Variants in GRM8 observed in about 807,000 individuals in gnomAD.
GRM8 encodes metabotropic glutamate receptor 8.
A neutral mutation model predicts 87.2 loss-of-function variants in GRM8; 47 were observed. The ratio of observed to expected loss-of-function variants is 0.54; its 90% CI spans 0.43 to 0.69. The LOEUF (loss-of-function observed/expected upper bound fraction) is 0.69, where lower values mean the gene tolerates loss of function less well. GRM8 is among the 30% of genes least tolerant of loss of function. GRM8 has a pLI of 0.00. For synonymous variants in GRM8, 396 were observed against 404.5 expected (o/e 0.98, Z 0.25); for missense variants, 1,019 against 1,139.2 (o/e 0.89, Z 1.52).
intron 3 of GRM8, among the ~76,000 whole-genome samples, chr7:127,052,729 G>A (rs762434006): frequency 3.1e-4 from 47 of 152,236 alleles, no homozygotes; most frequent in Non-Finnish European, 5.7e-4. Flanking sequence ...CATTAGATAT[G>A]ATTCAATACA....
At chr7:127,133,749 T>C (rs1391169888) in intron 2 of GRM8, among the ~76,000 whole-genome samples, 1 of 150,100 alleles carries the variant, frequency 6.7e-6, no homozygotes, top group Non-Finnish European at 1.5e-5. Flanking sequence ...ACAAACAAGA[T>C]AAACTGGCAT....
intron 8 of GRM8, among the ~76,000 whole-genome samples, chr7:126,576,993 C>T (rs995011018): frequency 6.6e-6 from 1 of 152,204 alleles, no homozygotes; most frequent in Non-Finnish European, 1.5e-5. Context: ...TGTAATCATT[C>T]ATTTCACTAC....
intron 7 of GRM8, among the ~76,000 whole-genome samples, chr7:126,754,239 C>T (rs933025162): frequency 6.6e-6 from 1 of 151,768 alleles, no homozygotes; most frequent in Non-Finnish European, 1.5e-5. Context: ...TCCCATGGGG[C>T]CATTCAGAAT....
chr7:127,030,539 A>G (rs903261230), intron 3 of GRM8, among the ~76,000 whole-genome samples: 1 of 151,988 alleles, frequency 6.6e-6, no homozygotes, highest in African/African-American at 2.4e-5. Flanking sequence ...GTTTATCTCA[A>G]CTCATTCTTT....
intron 6 of GRM8, among the ~76,000 whole-genome samples, chr7:126,852,917 A>G (rs907763372): frequency 1.3e-5 from 2 of 152,182 alleles, no homozygotes; most frequent in Admixed American, 1.3e-4. Flanking sequence ...AATAATCATA[A>G]TAGATTAACA....
At chr7:126,587,772 A>T (rs62477866) in intron 8 of GRM8, among the ~76,000 whole-genome samples, 46,770 of 151,640 alleles carry the variant, frequency 0.31, 8,094 homozygotes, top group East Asian at 0.44. Context: ...ATGTATACAT[A>T]TATAACAAAC....
intron 3 of GRM8, among the ~76,000 whole-genome samples, chr7:126,974,140 T>C (rs1250975526): frequency 1.3e-5 from 2 of 152,198 alleles, no homozygotes; most frequent in Non-Finnish European, 2.9e-5. Context: ...TACGGTGTAA[T>C]AAAACATAAA....
At chr7:126,993,097 T>G (rs1812834025) in intron 3 of GRM8, among the ~76,000 whole-genome samples, 1 of 152,128 alleles carries the variant, frequency 6.6e-6, no homozygotes. Flanking sequence ...AGGTTAAAAT[T>G]TAAGATACGA....
intron 3 of GRM8, among the ~76,000 whole-genome samples, chr7:127,005,395 C>T (rs1052803082): frequency 6.6e-6 from 1 of 151,392 alleles, no homozygotes; most frequent in Admixed American, 6.6e-5. Flanking sequence ...TGTGCTTTTG[C>T]TTTGTTCCAG....
intron 6 of GRM8, among the ~76,000 whole-genome samples, chr7:126,790,610 T>A (rs1821176539): frequency 6.6e-6 from 1 of 152,202 alleles, no homozygotes; most frequent in Non-Finnish European, 1.5e-5. Flanking sequence ...GGATTATGAT[T>A]GTAAGTCCTA....
chr7:126,970,834 T>C (rs1185509342), intron 3 of GRM8, among the ~76,000 whole-genome samples: 1 of 152,074 alleles, frequency 6.6e-6, no homozygotes, highest in Non-Finnish European at 1.5e-5. Flanking sequence ...TAGGGACCAC[T>C]GTAGGGTTAT....
intron 3 of GRM8, among the ~76,000 whole-genome samples, chr7:126,932,042 C>A (rs951012462): frequency 9.9e-5 from 15 of 151,836 alleles, no homozygotes; most frequent in African/African-American, 3.6e-4. Flanking sequence ...AAAATAGCAT[C>A]TTAGAAAGAA....
chr7:126,543,772 C>T (rs1250066428), intron 8 of GRM8, among the ~76,000 whole-genome samples: 1 of 152,126 alleles, frequency 6.6e-6, no homozygotes, highest in East Asian at 1.9e-4. Flanking sequence ...GAGAAGATGG[C>T]ACAAATGGAT....
chr7:126,607,053 C>A (rs755401410), intron 8 of GRM8, among the ~76,000 whole-genome samples: 13 of 152,172 alleles, frequency 8.5e-5, no homozygotes, highest in Non-Finnish European at 1.6e-4. Flanking sequence ...AGATAAAAAG[C>A]TTTCCTATCT....
At chr7:126,791,118 T>C (rs1821252550) in intron 6 of GRM8, among the ~76,000 whole-genome samples, 1 of 152,122 alleles carries the variant, frequency 6.6e-6, no homozygotes, top group Non-Finnish European at 1.5e-5. Context: ...CCAGACAATG[T>C]GCAATAATGA....
intron 6 of GRM8, among the ~76,000 whole-genome samples, chr7:126,806,532 G>T (rs6948500): frequency 0.37 from 56,801 of 152,162 alleles, 11,842 homozygotes; most frequent in Non-Finnish European, 0.47. Context: ...CCATTTTACA[G>T]AGAGCTGATT....
intron 7 of GRM8, among the ~76,000 whole-genome samples, chr7:126,753,372 G>A (rs776667148): frequency 9.1e-5 from 13 of 143,440 alleles, no homozygotes; most frequent in Admixed American, 2.2e-4. Flanking sequence ...CAGAATATAC[G>A]CACGCACACA....
Position 126,601,715 on chromosome 7 carries a change from C to T in GRM8, c.1494+7647G>A, listed in dbSNP as rs1390185652. On this transcript the variant is annotated intron_variant, in intron 8 of 10. Transcript: ENST00000339582. ...GAGCATTTTTTCATGTGTTTTTTGG[C>T]TGCATAAATGTCTTCTTTTGAGAAG... Among the ~76,000 whole-genome samples, 5 of 149,196 alleles carry T rather than the reference C, an allele frequency of 3.4e-5. No individual in the cohort carries two copies. The East Asian group carries it at 9.9e-4, about 30-fold the overall frequency.
At chr7:126,638,803 C>A (rs988439552) in intron 7 of GRM8, among the ~76,000 whole-genome samples, 3 of 152,212 alleles carry the variant, frequency 2.0e-5, no homozygotes, top group African/African-American at 7.2e-5. Flanking sequence ...TGGAGCCACT[C>A]ATTCTCTCCC....
Sources: allele counts gnomAD v4.1 joint callset (sites outside exome capture counted in the v4.1 genomes callset), GRCh38; gene constraint gnomAD v4.1.1; transcripts MANE v1.5; gene names NCBI Gene and HGNC (gene_info 2026-07-23, HGNC 2026-07-21).